CSMD3: variants seen among roughly 807,000 people sequenced by gnomAD.
The protein encoded by CSMD3 is CUB and sushi domain-containing protein 3.
Under a neutral mutation model 435.2 loss-of-function variants are expected in CSMD3, and 177 were observed. The ratio of observed to expected loss-of-function variants is 0.41; its 90% CI spans 0.36 to 0.46. The LOEUF (loss-of-function observed/expected upper bound fraction) is 0.46, where lower values mean the gene tolerates loss of function less well. Among genes scored for constraint, CSMD3 ranks in the 20% least tolerant of loss-of-function variants. The pLI, the probability that CSMD3 is intolerant of heterozygous loss-of-function variation, is 0.34. For missense variants in CSMD3, 4,265 were observed against 4,504.6 expected, an observed-to-expected ratio of 0.95 and a Z score of 1.52; for synonymous variants, 1,656 against 1,520.5, an observed-to-expected ratio of 1.09 and a Z score of -2.07.
chr8:113,348,587 A>G (rs2094167860), intron 1 of CSMD3, among the ~76,000 whole-genome samples: 1 of 152,116 alleles, frequency 6.6e-6, no homozygotes, highest in African/African-American at 2.4e-5. Flanking sequence ...CCTGGAGATC[A>G]AGGAAGCAGG....
At chr8:112,396,708 T>C (rs1830889653) in intron 35 of CSMD3, among the ~76,000 whole-genome samples, 1 of 152,158 alleles carries the variant, frequency 6.6e-6, no homozygotes, top group African/African-American at 2.4e-5. Flanking sequence ...CCTCTTTTGA[T>C]TGAGCCCAAA....
At chr8:112,743,386 A>G (rs925430191) in intron 13 of CSMD3, among the ~76,000 whole-genome samples, 8 of 151,918 alleles carry the variant, frequency 5.3e-5, no homozygotes, top group Non-Finnish European at 2.9e-5. Flanking sequence ...CCAACCTCTC[A>G]TATGTTTTAA....
intron 4 of CSMD3, among the ~76,000 whole-genome samples, chr8:113,165,771 T>C (rs1329349883): frequency 2.6e-5 from 4 of 151,890 alleles, no homozygotes; most frequent in South Asian, 2.1e-4. Flanking sequence ...ACTTGAACAA[T>C]AGAGTAAACC....
intron 17 of CSMD3, among the ~76,000 whole-genome samples, chr8:112,664,221 C>T (rs1157510489): frequency 6.6e-6 from 1 of 151,984 alleles, no homozygotes; most frequent in African/African-American, 2.4e-5. Context: ...GACAAATATG[C>T]TTGTTTTTCA....
intron 11 of CSMD3, among the ~76,000 whole-genome samples, chr8:112,848,761 C>T (rs1434076645): frequency 6.6e-6 from 1 of 152,016 alleles, no homozygotes; most frequent in East Asian, 1.9e-4. Flanking sequence ...ATGATCTGCA[C>T]AACAATTCAG....
At chr8:112,931,545 T>C (rs1351276564) in intron 9 of CSMD3, among the ~76,000 whole-genome samples, 3 of 146,988 alleles carry the variant, frequency 2.0e-5, no homozygotes, top group African/African-American at 4.9e-5. Context: ...TAGGAAAAGA[T>C]TGTATGGTTA....
intron 13 of CSMD3, among the ~76,000 whole-genome samples, chr8:112,690,889 C>T (rs2076121150): frequency 6.6e-6 from 1 of 151,720 alleles, no homozygotes; most frequent in Non-Finnish European, 1.5e-5. Context: ...AAAAAAAATA[C>T]AAATTAAAAA....
intron 10 of CSMD3, among the ~76,000 whole-genome samples, chr8:112,868,494 A>C (rs1246825694): frequency 6.6e-6 from 1 of 152,194 alleles, no homozygotes; most frequent in Non-Finnish European, 1.5e-5. Context: ...CACCAAAAAC[A>C]CATGAGTAAC....
chr8:112,385,835 GAGAA>G (rs1829895185), intron 36 of CSMD3, among the ~76,000 whole-genome samples: 1 of 152,140 alleles, frequency 6.6e-6, no homozygotes, highest in African/African-American at 2.4e-5. Flanking sequence ...GCCTAGGTGG[GAGAA>G]AGAAAGTCAG....
chr8:112,313,710 T>C (rs1822201314), intron 49 of CSMD3, among the ~76,000 whole-genome samples, 196 bp downstream of exon 49: 1 of 152,038 alleles, frequency 6.6e-6, no homozygotes, highest in Non-Finnish European at 1.5e-5. Context: ...TAGGATATTT[T>C]ACAAAATCAT....
intron 3 of CSMD3, among the ~76,000 whole-genome samples, chr8:113,203,640 AG>A (rs2092737992): frequency 6.6e-6 from 1 of 152,022 alleles, no homozygotes; most frequent in African/African-American, 2.4e-5. Context: ...AAGCGTTTAT[AG>A]TGAAAATTTA....
chr8:113,271,927 T>G (rs1312296868), intron 3 of CSMD3, among the ~76,000 whole-genome samples: 1 of 152,198 alleles, frequency 6.6e-6, no homozygotes, highest in Non-Finnish European at 1.5e-5. Flanking sequence ...TTTCATCAGC[T>G]TGACCTGGAT....
chr8:112,712,736 T>C (rs2076635647), intron 13 of CSMD3, among the ~76,000 whole-genome samples: 1 of 151,144 alleles, frequency 6.6e-6, no homozygotes, highest in African/African-American at 2.4e-5. Context: ...ATCTAATTAT[T>C]AAGACAGGTA....
chr8:112,255,172 T>C, intron 62 of CSMD3, 82 bp downstream of exon 62: 4 of 1,185,894 alleles, frequency 3.4e-6, no homozygotes, highest in East Asian at 2.3e-5. Flanking sequence ...CAACTATAGG[T>C]TATAGGATAA....
chr8:112,265,524 C>T lies in CSMD3; in HGVS notation c.9575G>A (p.Gly3192Glu), dbSNP rs755204188. 6.2e-7 allele frequency: 1 copy of T among 1,613,546 alleles called. No homozygotes were observed. The highest frequency in any genetic ancestry group is 1.1e-5 in the South Asian group (1 of 91,074). Reference protein sequence around the residue: ...GLRYGDDYVVGQNVSYMCQPG... With the variant: ...GLRYGDDYVVEQNVSYMCQPG... ...CTGGCACATGTAAGAAACATTTTGT[C>T]CAACCACATAATCATCTCCATATCT... is the stretch of plus-strand genomic sequence containing the variant. The change falls in exon 60 of 71, where the codon GGA becomes GAA. Residue 3192 changes from glycine (G) to glutamate (E), a missense_variant. Transcript: ENST00000297405.
At chr8:112,514,280 C>G (rs977523115) in intron 28 of CSMD3, among the ~76,000 whole-genome samples, 1 of 152,112 alleles carries the variant, frequency 6.6e-6, no homozygotes, top group Non-Finnish European at 1.5e-5. Context: ...CATTATCTGA[C>G]GTTTGTAAAT....
chr8:112,273,663 T>C (rs896530797), intron 59 of CSMD3, among the ~76,000 whole-genome samples: 4 of 150,564 alleles, frequency 2.7e-5, no homozygotes, highest in African/African-American at 4.9e-5. Flanking sequence ...TAGGTGGAGT[T>C]TGCAGTGAGC....
intron 43 of CSMD3, 58 bp from the exon 44 acceptor site, chr8:112,336,887 G>A (rs2130959979): frequency 2.9e-6 from 4 of 1,387,446 alleles, no homozygotes; most frequent in Non-Finnish European, 4.1e-6. Context: ...ACTGACTGTG[G>A]AGAAAAAGGC....
intron 3 of CSMD3, among the ~76,000 whole-genome samples, chr8:113,179,549 A>G (rs1387644539): frequency 2.0e-5 from 3 of 151,800 alleles, no homozygotes; most frequent in Non-Finnish European, 4.4e-5. Flanking sequence ...AAATTCACAG[A>G]AAGTCCCCTA....
Sources: gnomAD v4.1 joint callset for allele counts (sites outside exome capture counted in the v4.1 genomes callset) on GRCh38, gnomAD v4.1.1 for gene constraint, MANE v1.5 for transcripts, NCBI Gene and HGNC (gene_info 2026-07-23, HGNC 2026-07-21) for gene names.